The following ME3 variants were observed in gnomAD, a reference collection of about 807,000 sequenced individuals.
The protein encoded by ME3 is malic enzyme 3.
In ME3, 48 loss-of-function variants were observed where a neutral mutation model predicts 68.9. That is an observed-to-expected ratio of 0.70 (90% CI 0.55 to 0.89). The LOEUF (loss-of-function observed/expected upper bound fraction) is 0.89. Ranked by LOEUF, ME3 falls within the 40% of genes least tolerant of loss-of-function variation. The pLI, the probability that ME3 is intolerant of heterozygous loss-of-function variation, is 0.00. For synonymous variants in ME3, 320 were observed against 318.8 expected, an observed-to-expected ratio of 1.00 and a Z score of -0.04; for missense variants, 675 against 797.4, an observed-to-expected ratio of 0.85 and a Z score of 1.85.
intron 4 of ME3, among the ~76,000 whole-genome samples, chr11:86,543,736 G>C (rs11512934): frequency 6.6e-6 from 1 of 152,216 alleles, no homozygotes; most frequent in African/African-American, 2.4e-5. Context: ...GTCAGCATTA[G>C]ACAGATCAAT....
chr11:86,669,493 T>G (rs955301913), intron 2 of ME3, among the ~76,000 whole-genome samples: 2 of 152,040 alleles, frequency 1.3e-5, no homozygotes, highest in African/African-American at 2.4e-5. Flanking sequence ...CGAAGGCACC[T>G]CCTCAGAGGG....
chr11:86,666,763 C>T (rs624183), intron 2 of ME3, among the ~76,000 whole-genome samples: 29,435 of 152,082 alleles, frequency 0.19, 2,968 homozygotes, highest in African/African-American at 0.24. Flanking sequence ...TTACATCATA[C>T]CTGAAGCAGA....
chr11:86,521,326 C>T (rs1375809016), intron 4 of ME3, among the ~76,000 whole-genome samples: 1 of 151,674 alleles, frequency 6.6e-6, no homozygotes, highest in Non-Finnish European at 1.5e-5. Context: ...ACCCAGGAGG[C>T]GGAGCTTGCA....
At chr11:86,548,424 A>G (rs1277970222) in intron 4 of ME3, among the ~76,000 whole-genome samples, 1 of 152,146 alleles carries the variant, frequency 6.6e-6, no homozygotes, top group Non-Finnish European at 1.5e-5. Context: ...CCTTCCTAAG[A>G]TCTATTCCGG....
At chr11:86,563,317 C>T (rs1957330543) in intron 2 of ME3, among the ~76,000 whole-genome samples, 1 of 152,124 alleles carries the variant, frequency 6.6e-6, no homozygotes, top group Admixed American at 6.5e-5. Flanking sequence ...CTTTTCTCAT[C>T]AGCCTCTCCA....
In ME3 at chr11:86,631,535, TA is replaced by T. The variant is rs200183186; in HGVS notation, c.183+40226del. On this transcript the variant is annotated intron_variant, in intron 2 of 14. Coordinates refer to ENST00000543262, the Ensembl canonical transcript of ME3. ...CATATCAGAATCTCCTTGGTGAACT[TA>T]AAAAAAAAATTCCTTAGCTCCTTCT... Among the ~76,000 whole-genome samples, 20 of 150,298 alleles carry T rather than the reference TA, an allele frequency of 1.3e-4. 1 individual carries two copies. Among genetic ancestry groups the T allele is most frequent in the Non-Finnish European group, 2.1e-4 (14 of 67,422 alleles).
At chr11:86,610,104 A>C (rs911557008) in intron 2 of ME3, among the ~76,000 whole-genome samples, 1 of 152,214 alleles carries the variant, frequency 6.6e-6, no homozygotes, top group Non-Finnish European at 1.5e-5. Context: ...GCTATACTTT[A>C]AGAATGCCTC....
intron 2 of ME3, among the ~76,000 whole-genome samples, chr11:86,576,216 G>A (rs1325729199): frequency 6.6e-6 from 1 of 152,154 alleles, no homozygotes; most frequent in Non-Finnish European, 1.5e-5. Context: ...AAGCTTAGAG[G>A]AAAGTGGTTG....
intron 5 of ME3, among the ~76,000 whole-genome samples, chr11:86,508,495 G>T (rs1248382631): frequency 6.6e-6 from 1 of 152,116 alleles, no homozygotes; most frequent in Non-Finnish European, 1.5e-5. Flanking sequence ...ATTTCTCTCT[G>T]CGTCTACCAT....
chr11:86,652,522 T>C (rs1042282860), intron 2 of ME3, among the ~76,000 whole-genome samples: 1 of 151,932 alleles, frequency 6.6e-6, no homozygotes, highest in African/African-American at 2.4e-5. Flanking sequence ...AGAAATAAAA[T>C]ACTTGAGAGA....
intron 2 of ME3, among the ~76,000 whole-genome samples, chr11:86,659,526 C>G (rs977663073): frequency 3.9e-5 from 6 of 152,168 alleles, no homozygotes; most frequent in Admixed American, 3.3e-4. Context: ...TCAAGATGAC[C>G]TCTTTGTCTT....
chr11:86,671,845 A>T, exon 2 of ME3: 2 of 1,587,316 alleles, frequency 1.3e-6, no homozygotes, highest in African/African-American at 2.8e-5. Flanking sequence ...TTGGAGTGGC[A>T]GCCTTGGGCG....
chr11:86,446,271 C>G (rs749327094), intron 13 of ME3, 43 bp downstream of exon 13: 1 of 1,604,506 alleles, frequency 6.2e-7, no homozygotes, highest in Middle Eastern at 2.1e-4. Context: ...TGTCAACCCA[C>G]AGACCCTACT....
intron 8 of ME3, among the ~76,000 whole-genome samples, chr11:86,458,660 TAA>T (rs1950069924): frequency 2.0e-5 from 3 of 151,974 alleles, no homozygotes; most frequent in African/African-American, 7.2e-5. Flanking sequence ...GAGAAAAGGT[TAA>T]AGAGACCAGG....
chr11:86,672,030 C>G, intron 1 of ME3, 72 bp from the exon 2 acceptor site: 1 of 1,217,654 alleles, frequency 8.2e-7, no homozygotes, highest in Non-Finnish European at 1.1e-6. Flanking sequence ...TGCGGGGCAC[C>G]GGGCCTGATC....
intron 2 of ME3, among the ~76,000 whole-genome samples, chr11:86,602,468 T>C (rs1332509610): frequency 6.6e-6 from 1 of 152,116 alleles, no homozygotes; most frequent in Non-Finnish European, 1.5e-5. Flanking sequence ...TACAAACAAA[T>C]GGAAGAACAT....
chr11:86,632,880 G>A (rs896834284), intron 2 of ME3, among the ~76,000 whole-genome samples: 4 of 152,208 alleles, frequency 2.6e-5, no homozygotes, highest in African/African-American at 9.6e-5. Context: ...ATATGGACAG[G>A]AAACACAACG....
chr11:86,506,804 C>T (rs1466300888), intron 5 of ME3, among the ~76,000 whole-genome samples: 1 of 152,192 alleles, frequency 6.6e-6, no homozygotes, highest in Non-Finnish European at 1.5e-5. Flanking sequence ...CTTTACAGGA[C>T]CCCAGCAGCA....
chr11:86,593,113 A>C (rs2139675992), intron 2 of ME3, among the ~76,000 whole-genome samples: 1 of 152,280 alleles, frequency 6.6e-6, no homozygotes, highest in East Asian at 1.9e-4. Context: ...TGCCAGGAAA[A>C]TGACTCATTT....
Sources: allele counts gnomAD v4.1 joint callset (sites outside exome capture counted in the v4.1 genomes callset), GRCh38; gene constraint gnomAD v4.1.1; transcripts MANE v1.5; gene names NCBI Gene and HGNC (gene_info 2026-07-23, HGNC 2026-07-21).